ARID3A: variants seen among roughly 807,000 people sequenced by gnomAD.
ARID3A encodes AT-rich interaction domain 3A.
Under a neutral mutation model 52.7 loss-of-function variants are expected in ARID3A, and 11 were observed. The ratio of observed to expected loss-of-function variants is 0.21; its 90% CI spans 0.13 to 0.35. The LOEUF is 0.35. ARID3A is among the 10% of genes least tolerant of loss of function. ARID3A has a pLI of 1.00. For missense variants in ARID3A, 721 were observed against 838.5 expected, an observed-to-expected ratio of 0.86 and a Z score of 1.73; for synonymous variants, 404 against 359.4, an observed-to-expected ratio of 1.12 and a Z score of -1.40.
rs1359433859 is a variant in ARID3A, at chr19:959,798, T to C, written c.694-294T>C. On this transcript the variant is annotated intron_variant, in intron 3 of 8. Transcript: ENST00000263620. The surrounding 1 kb of genome is among the most constrained non-coding windows in gnomAD (Gnocchi z 5.0). ...GGCCACAAGCCAGGACGCACCTTGA[T>C]CTGGGGTTCCCGGGCCCCTGGACCG... is the stretch of plus-strand genomic sequence containing the variant. Among the ~76,000 whole-genome samples, 1 of 152,070 alleles carries C rather than the reference T, an allele frequency of 6.6e-6. No individual in the cohort carries two copies. Among genetic ancestry groups the C allele is most frequent in the African/African-American group, 2.4e-5 (1 of 41,392 alleles).
intron 4 of ARID3A, among the ~76,000 whole-genome samples, chr19:963,200 C>A (rs576641466): frequency 6.6e-6 from 1 of 152,188 alleles, no homozygotes; most frequent in East Asian, 1.9e-4. Flanking sequence ...TGTCCACGTC[C>A]CCATCCCTAA....
intron 3 of ARID3A, among the ~76,000 whole-genome samples, chr19:951,952 A>G (rs888007414): frequency 3.3e-5 from 5 of 151,740 alleles, no homozygotes. Flanking sequence ...CTTGGCCAAC[A>G]TGGTGAAACC....
In ARID3A at chr19:973,104, A is replaced by ATTTTTTTTTT. The variant is rs56404084; in HGVS notation, c.*1051_*1060dup. 2.3e-3 allele frequency: 123 copies of ATTTTTTTTTT among 53,656 alleles called. 17 individuals are homozygous for ATTTTTTTTTT. Among genetic ancestry groups the ATTTTTTTTTT allele is most frequent in the South Asian group, 5.9e-3 (8 of 1,354 alleles). The allele number at this position is 53,656 out of a possible 1,614,324, so 3.3% of individuals were successfully genotyped here. On this transcript the variant is annotated 3_prime_UTR_variant, in exon 9 of 9. Coordinates refer to ENST00000263620, the MANE Select transcript of ARID3A (RefSeq NM_005224.3). ...GGGCTCTCGAGTCAGGGGCCTGGAA[A>ATTTTTTTTTT]TTTTTTTTTTTTTTTTTTTTTGAGA...
rs750712789 is a variant in ARID3A at position 974,085 on chromosome 19, G to C, written c.*2020G>C. 27 of 226,848 alleles carry C rather than the reference G, an allele frequency of 1.2e-4. No individual in the cohort carries two copies. The highest frequency in any genetic ancestry group is 2.0e-4 in the Non-Finnish European group (23 of 114,256). 14.1% of individuals were successfully genotyped at this position (226,848 alleles called of 1,614,324 possible). On this transcript the variant is annotated 3_prime_UTR_variant, in exon 9 of 9. Transcript: ENST00000263620. ...GGCATGGGGGCTTGGTGAGGAAGGG[G>C]ACTCCCCAGCTCCCCCCACTCCCAA...
Position 973,117 on chromosome 19 carries a change from T to TTTTTC in ARID3A, c.*1056_*1057insCTTTT, listed in dbSNP as rs1249853893. 1.5e-5 allele frequency: 2 copies of TTTTTC among 131,152 alleles called. No individual in the cohort carries two copies. 8.1% of individuals were successfully genotyped at this position (131,152 alleles called of 1,614,324 possible). A position where few individuals can be genotyped will look rare whatever the true frequency, so the allele number is the denominator to read the frequency against. On this transcript the variant is annotated 3_prime_UTR_variant, in exon 9 of 9. Coordinates refer to ENST00000263620, the MANE Select transcript of ARID3A (RefSeq NM_005224.3). The stretch of plus-strand genomic sequence containing the variant: ...AGGGGCCTGGAAATTTTTTTTTTTT[T>TTTTTC]TTTTTTTTGAGACGGAGTTTTGCTC...
At chr19:956,802 G>C (rs2037926867) in intron 3 of ARID3A, 1 of 152,432 alleles carries the variant, frequency 6.6e-6, no homozygotes, top group South Asian at 2.1e-4. Context: ...GGGAAACTGA[G>C]GCCCAGAGAG....
At position 929,665 on chromosome 19, in the gene ARID3A, A is replaced by G; in HGVS notation, c.137A>G (p.Asp46Gly). 6.4e-7 allele frequency: 1 copy of G among 1,551,086 alleles called. No homozygotes were observed. Among genetic ancestry groups the G allele is most frequent in the East Asian group, 2.4e-5 (1 of 42,342 alleles). The change falls in exon 2 of 9, where the codon GAC becomes GGC. Residue 46 changes from aspartate (D) to glycine (G), a missense_variant. Physicochemically the swap from Asp to Gly is moderately conservative, Grantham distance 94. This residue lies in a region of ARID3A where 349 missense variants were observed against 297.3 expected (regional missense o/e 1.17). Transcript: ENST00000263620. The surrounding 1 kb of genome is among the most constrained non-coding windows in gnomAD (Gnocchi z 6.2). Reference protein sequence around the residue: ...PGRARAAPDEDREPESARMQR... With the variant: ...PGRARAAPDEGREPESARMQR... The stretch of plus-strand genomic sequence containing the variant: ...CGGGCCCGGGCTGCCCCCGACGAGG[A>G]CAGAGAGCCCGAGAGTGCCCGGATG...
Position 942,088 on chromosome 19 carries a change from C to T in ARID3A, c.693+9346C>T, listed in dbSNP as rs573315830. ...GGGGCACAGATCAGCGCCTCCCCTG[C>T]CCGCCATGGGCTCTGGAGCCAGCCT... On this transcript the variant is annotated intron_variant, in intron 3 of 8. Transcript: ENST00000263620. This position sits in a 1 kb window ranked among gnomAD's most constrained non-coding sequence, Gnocchi z 8.1. Among the ~76,000 whole-genome samples, 1 of 152,290 alleles carries T rather than the reference C, an allele frequency of 6.6e-6. No individual in the cohort carries two copies. Among genetic ancestry groups the T allele is most frequent in the East Asian group, 1.9e-4 (1 of 5,174 alleles).
intron 3 of ARID3A, among the ~76,000 whole-genome samples, chr19:936,012 G>C (rs940831895): frequency 4.7e-5 from 7 of 149,798 alleles, no homozygotes; most frequent in South Asian, 2.1e-4. Context: ...GGATGGTCTC[G>C]ATCTCCTGAC....
intron 3 of ARID3A, among the ~76,000 whole-genome samples, chr19:939,551 T>G (rs2037503552): frequency 6.6e-6 from 1 of 152,162 alleles, no homozygotes. Context: ...TCCAGGCCTT[T>G]CTCTGCCCAC....
intron 3 of ARID3A, among the ~76,000 whole-genome samples, chr19:948,064 C>T (rs1234981643): frequency 3.3e-5 from 5 of 152,120 alleles, no homozygotes; most frequent in African/African-American, 7.2e-5. Context: ...TAAGTAAGCG[C>T]CTGCTGGGTG....
intron 3 of ARID3A, among the ~76,000 whole-genome samples, chr19:957,854 C>CA (rs1205156490): frequency 1.4e-5 from 2 of 147,402 alleles, no homozygotes; most frequent in African/African-American, 2.5e-5. Flanking sequence ...CAAAAACAAA[C>CA]AAAAAAAAGA....
rs1181433191 is a variant in ARID3A at position 972,400 on chromosome 19, C to G, written c.*335C>G. 7 of 218,668 alleles carry G rather than the reference C, an allele frequency of 3.2e-5. No individual in the cohort carries two copies. Among genetic ancestry groups the G allele is most frequent in the Non-Finnish European group, 4.6e-5 (5 of 108,764 alleles). 13.5% of individuals were successfully genotyped at this position (218,668 alleles called of 1,614,324 possible). ...AGAGGCAGACGTTTCCCAGGGCGTTCAGGCAGCCCTGATGGACCGAAGGCT... is the reference window on the plus strand; with the variant it reads ...AGAGGCAGACGTTTCCCAGGGCGTTGAGGCAGCCCTGATGGACCGAAGGCT... On this transcript the variant is annotated 3_prime_UTR_variant, in exon 9 of 9. Coordinates refer to ENST00000263620, the MANE Select transcript of ARID3A (RefSeq NM_005224.3).
intron 3 of ARID3A, among the ~76,000 whole-genome samples, chr19:953,438 G>T (rs2145422034): frequency 6.6e-6 from 1 of 151,940 alleles, no homozygotes; most frequent in African/African-American, 2.4e-5. Flanking sequence ...TCCTCATCAG[G>T]TGGGGGCGGC....
In ARID3A at chr19:929,635, C is replaced by A. The variant is rs17857499; in HGVS notation, c.107C>A (p.Pro36His). Residue 36 changes from proline (P) to histidine (H), a missense_variant, in exon 2 of 9, where the codon CCC (proline) becomes CAC (histidine). By Grantham distance (77) the Pro-to-His change is moderately conservative. Coordinates refer to ENST00000263620, the MANE Select transcript of ARID3A (RefSeq NM_005224.3). This position sits in a 1 kb window ranked among gnomAD's most constrained non-coding sequence, Gnocchi z 6.2. ...CCCCCCGATCCCCCTGCTGCACCCC[C>A]CGGCCGGGCCCGGGCTGCCCCCGAC... ...QLPPDPPAAPPGRARAAPDED... is the reference protein window; with the variant it reads ...QLPPDPPAAPHGRARAAPDED... 1 of 1,528,350 alleles carries A rather than the reference C, an allele frequency of 6.5e-7. No homozygotes were observed. The highest frequency in any genetic ancestry group is 1.2e-5 in the South Asian group (1 of 83,742). 94.7% of individuals were successfully genotyped at this position (1,528,350 alleles called of 1,614,324 possible).
chr19:946,154 G>A (rs1466800015), intron 3 of ARID3A, among the ~76,000 whole-genome samples: 5 of 152,180 alleles, frequency 3.3e-5, no homozygotes, highest in Admixed American at 1.3e-4. Flanking sequence ...AGAACGCCCC[G>A]GCCGCGTGGA....
chr19:934,163 C>G (rs568152189), intron 3 of ARID3A, among the ~76,000 whole-genome samples: 1 of 152,144 alleles, frequency 6.6e-6, no homozygotes, highest in Non-Finnish European at 1.5e-5. Context: ...AGGAGCCGGA[C>G]GGAGACCTCC....
At chr19:943,761 A>G (rs2037609518) in intron 3 of ARID3A, among the ~76,000 whole-genome samples, 1 of 152,118 alleles carries the variant, frequency 6.6e-6, no homozygotes, top group South Asian at 2.1e-4. Flanking sequence ...TTGTGGAGAG[A>G]AGAAACCTCT....
chr19:973,599 G>T lies in ARID3A; in HGVS notation c.*1534G>T. 4.4e-6 allele frequency: 1 copy of T among 225,478 alleles called. No homozygotes were observed. Among genetic ancestry groups the T allele is most frequent in the Non-Finnish European group, 8.8e-6 (1 of 113,096 alleles). The allele number at this position is 225,478 out of a possible 1,614,324, so 14.0% of individuals were successfully genotyped here. On this transcript the variant is annotated 3_prime_UTR_variant, in exon 9 of 9. Coordinates refer to ENST00000263620, the MANE Select transcript of ARID3A (RefSeq NM_005224.3). Reference sequence around the variant, plus strand: ...ATACTGGGGAGTGGGGGTGAAGCCGGACCTCACTCAGGGTGAGGATTTCAG... The same window carrying T: ...ATACTGGGGAGTGGGGGTGAAGCCGTACCTCACTCAGGGTGAGGATTTCAG...
Sources: gnomAD v4.1 joint callset for allele counts (sites outside exome capture counted in the v4.1 genomes callset) on GRCh38, gnomAD v4.1.1 for gene constraint, gnomAD v4.1.1 regional missense constraint, Gnocchi (gnomAD v3.1) non-coding constraint, MANE v1.5 for transcripts, NCBI Gene and HGNC (gene_info 2026-07-23, HGNC 2026-07-21) for gene names.